TNRC6A: variants seen among roughly 807,000 people sequenced by gnomAD.
The protein encoded by TNRC6A is trinucleotide repeat-containing gene 6A protein.
A neutral mutation model predicts 221.2 loss-of-function variants in TNRC6A; 44 were observed. That is an observed-to-expected ratio of 0.20 (90% CI 0.16 to 0.26). The LOEUF is 0.26. Ranked by LOEUF, TNRC6A falls within the 10% of genes least tolerant of loss-of-function variation. The pLI, the probability that TNRC6A is intolerant of heterozygous loss-of-function variation, is 1.00. For missense variants in TNRC6A, 2,199 were observed against 2,404.4 expected, an observed-to-expected ratio of 0.91 and a Z score of 1.79; for synonymous variants, 847 against 838.5, an observed-to-expected ratio of 1.01 and a Z score of -0.18.
chr16:24,613,094 T>C (rs1251912489), intron 1 of TNRC6A, among the ~76,000 whole-genome samples: 1 of 115,770 alleles, frequency 8.6e-6, no homozygotes, highest in Non-Finnish European at 1.6e-5. Flanking sequence ...CTAACCTGGG[T>C]GACAGAGTGA....
At chr16:24,733,214 GA>G (rs942640422) in intron 2 of TNRC6A, among the ~76,000 whole-genome samples, 99 of 150,798 alleles carry the variant, frequency 6.6e-4, no homozygotes, top group African/African-American at 2.2e-3. Context: ...TCTGAAAAAA[GA>G]AAAAAAAATC....
In TNRC6A at chr16:24,740,828, A is replaced by G. The variant is rs538466304; in HGVS notation, c.54-9898A>G. ...CTATTGCCTTCAGCTCTTGGCAGCC[A>G]CAATTCCACCTTCTGTCTGTATGCA... On this transcript the variant is annotated intron_variant, in intron 2 of 24. Coordinates refer to ENST00000395799, the MANE Select transcript of TNRC6A (RefSeq NM_014494.4). Among the ~76,000 whole-genome samples, 6 of 152,290 alleles carry G rather than the reference A, an allele frequency of 3.9e-5. No homozygotes were observed. In the East Asian group the frequency reaches 1.2e-3, roughly 29 times the overall value.
chr16:24,755,198 C>T (rs1256133873), intron 3 of TNRC6A, among the ~76,000 whole-genome samples: 1 of 152,202 alleles, frequency 6.6e-6, no homozygotes. Context: ...GCTCTCTGAG[C>T]ACTAGGTGTC....
chr16:24,614,026 G>A (rs1296601223), intron 1 of TNRC6A, among the ~76,000 whole-genome samples: 1 of 152,196 alleles, frequency 6.6e-6, no homozygotes, highest in Non-Finnish European at 1.5e-5. Flanking sequence ...CACTGCTGCT[G>A]TCCTGGCCTG....
intron 20 of TNRC6A, among the ~76,000 whole-genome samples, chr16:24,818,143 G>A (rs113440010): frequency 5.9e-5 from 9 of 152,280 alleles, no homozygotes; most frequent in Admixed American, 2.0e-4. Context: ...TGAATATATC[G>A]CGTAATGGAG....
chr16:24,782,824 A>G (rs1757770717), intron 5 of TNRC6A, among the ~76,000 whole-genome samples: 1 of 152,096 alleles, frequency 6.6e-6, no homozygotes. Context: ...GTGAGCCGAG[A>G]TCGCGCCACT....
chr16:24,781,022 AT>A (rs1567463407), intron 5 of TNRC6A, among the ~76,000 whole-genome samples: 1 of 123,878 alleles, frequency 8.1e-6, no homozygotes, highest in Non-Finnish European at 1.7e-5. Context: ...CCTTAAAAAA[AT>A]TTTCTTAAGC....
intron 2 of TNRC6A, among the ~76,000 whole-genome samples, chr16:24,682,262 T>C (rs935982896): frequency 6.6e-6 from 1 of 152,010 alleles, no homozygotes; most frequent in African/African-American, 2.4e-5. Flanking sequence ...GGTCTTGCTC[T>C]GTTGCTCAGG....
intron 1 of TNRC6A, among the ~76,000 whole-genome samples, chr16:24,621,480 T>C (rs1900672554): frequency 6.7e-6 from 1 of 149,972 alleles, no homozygotes; most frequent in African/African-American, 2.4e-5. Context: ...TGCCTCGGCC[T>C]CCCGAGTGGC....
intron 2 of TNRC6A, among the ~76,000 whole-genome samples, chr16:24,657,786 T>TA (rs2141889793): frequency 6.6e-6 from 1 of 151,776 alleles, no homozygotes; most frequent in African/African-American, 2.4e-5. Context: ...TGTAAGAGAA[T>TA]ATTTTGTCAA....
At chr16:24,694,425 G>A (rs963314111) in intron 2 of TNRC6A, among the ~76,000 whole-genome samples, 1 of 151,766 alleles carries the variant, frequency 6.6e-6, no homozygotes, top group Non-Finnish European at 1.5e-5. Flanking sequence ...GGAGGCCGAG[G>A]CCGGTGGATC....
intron 2 of TNRC6A, among the ~76,000 whole-genome samples, chr16:24,695,869 G>A (rs1367967760): frequency 6.6e-6 from 1 of 152,164 alleles, no homozygotes; most frequent in Non-Finnish European, 1.5e-5. Flanking sequence ...TGCCTAGGGA[G>A]AAGGAGTGCA....
At chr16:24,753,024 G>A (rs911929204) in intron 3 of TNRC6A, among the ~76,000 whole-genome samples, 5 of 152,160 alleles carry the variant, frequency 3.3e-5, no homozygotes, top group Non-Finnish European at 4.4e-5. Flanking sequence ...AACATATACA[G>A]CAATGGCTCT....
chr16:24,713,715 T>C (rs1684599961), intron 2 of TNRC6A, among the ~76,000 whole-genome samples: 1 of 152,082 alleles, frequency 6.6e-6, no homozygotes, highest in Non-Finnish European at 1.5e-5. Context: ...GGCATGATCT[T>C]GGCTTACTGC....
chr16:24,786,580 C>T (rs893628798), intron 5 of TNRC6A, among the ~76,000 whole-genome samples: 1 of 152,062 alleles, frequency 6.6e-6, no homozygotes. Context: ...CCCTAAAATG[C>T]TGGGATTACA....
chr16:24,619,247 A>G (rs778188001), intron 1 of TNRC6A, among the ~76,000 whole-genome samples: 3 of 152,184 alleles, frequency 2.0e-5, no homozygotes, highest in Non-Finnish European at 4.4e-5. Context: ...TAGAAAATTC[A>G]CCTATTATCA....
Position 24,750,556 on chromosome 16 carries a change from G to A in TNRC6A, c.54-170G>A, listed in dbSNP as rs112941970. On this transcript the variant is annotated intron_variant, in intron 2 of 24. Transcript: ENST00000395799. ...TTAAAGTGAATTGTACCATATAGTG[G>A]CTATATAGTTAGGGTTAGGTTGCAG... 7.9e-5 allele frequency among the ~76,000 whole-genome samples: 12 copies of A among 152,284 alleles called. 1 individual carries two copies. Among genetic ancestry groups the A allele is most frequent in the African/African-American group, 2.6e-4 (11 of 41,556 alleles).
At chr16:24,787,311 C>T (rs193037631) in intron 5 of TNRC6A, among the ~76,000 whole-genome samples, 1 of 152,282 alleles carries the variant, frequency 6.6e-6, no homozygotes, top group East Asian at 1.9e-4. Flanking sequence ...TTCTTAGGCA[C>T]CTTGCTTTAT....
At chr16:24,617,747 A>C (rs1900440800) in intron 1 of TNRC6A, among the ~76,000 whole-genome samples, 1 of 152,132 alleles carries the variant, frequency 6.6e-6, no homozygotes, top group Non-Finnish European at 1.5e-5. Context: ...AGGCTGTGTT[A>C]TCTCTCCTCT....
Sources: gnomAD v4.1 joint callset for allele counts (sites outside exome capture counted in the v4.1 genomes callset) on GRCh38, gnomAD v4.1.1 for gene constraint, MANE v1.5 for transcripts, NCBI Gene and HGNC (gene_info 2026-07-23, HGNC 2026-07-21) for gene names.